ALCAM: variants seen among roughly 807,000 people sequenced by gnomAD.
ALCAM encodes the protein CD166 antigen.
In ALCAM, 30 loss-of-function variants were observed where a neutral mutation model predicts 70.9. That is an observed-to-expected ratio of 0.42 (90% confidence interval 0.32 to 0.57). The LOEUF (loss-of-function observed/expected upper bound fraction) is 0.57. Ranked by LOEUF, ALCAM falls within the 20% of genes least tolerant of loss-of-function variation. ALCAM has a pLI of 0.11. For missense variants in ALCAM, 591 were observed against 695.1 expected, an observed-to-expected ratio of 0.85 and a Z score of 1.68; for synonymous variants, 249 against 242.5, an observed-to-expected ratio of 1.03 and a Z score of -0.25.
At chr3:105,503,539 G>A (rs147883152) in intron 1 of ALCAM, among the ~76,000 whole-genome samples, 41 of 151,634 alleles carry the variant, frequency 2.7e-4, no homozygotes, top group Admixed American at 8.6e-4. Context: ...ACTTTAACAC[G>A]ATTACCTTCC....
At chr3:105,411,865 G>C (rs1455460249) in intron 1 of ALCAM, among the ~76,000 whole-genome samples, 1 of 151,906 alleles carries the variant, frequency 6.6e-6, no homozygotes, top group East Asian at 1.9e-4. Context: ...CCATAACCTA[G>C]AAAAGAAGTA....
intron 1 of ALCAM, among the ~76,000 whole-genome samples, chr3:105,382,384 G>A (rs886731255): frequency 8.6e-5 from 13 of 151,902 alleles, no homozygotes; most frequent in African/African-American, 9.7e-5. Context: ...CTTGTGAATA[G>A]TGCCACAATA....
chr3:105,490,177 T>C (rs1346425769), intron 1 of ALCAM, among the ~76,000 whole-genome samples: 1 of 152,258 alleles, frequency 6.6e-6, no homozygotes, highest in Admixed American at 6.5e-5. Context: ...TGCAAGTGTC[T>C]TCCTTATTGA....
At position 105,574,748 on chromosome 3, in the gene ALCAM, GC is replaced by G. The variant is rs1201427370; in HGVS notation, c.*299del. The stretch of plus-strand genomic sequence containing the variant: ...TGCACTGAGGATTTCTTTTTGGTTT[GC>G]CTTTTATGTAAATTTTTTACGTAGC... On this transcript the variant is annotated 3_prime_UTR_variant, in exon 16 of 16. Transcript: ENST00000306107. 6.6e-6 allele frequency: 1 copy of G among 152,450 alleles called. No homozygotes were observed. The highest frequency in any genetic ancestry group is 2.4e-5 in the African/African-American group (1 of 41,400). 9.4% of individuals were successfully genotyped at this position (152,450 alleles called of 1,614,324 possible).
At position 105,484,536 on chromosome 3, in the gene ALCAM, A is replaced by T. The variant is rs145500250; in HGVS notation, c.74-35531A>T. 3.9e-3 allele frequency among the ~76,000 whole-genome samples: 595 copies of T among 152,176 alleles called. 5 individuals carry two copies. The highest frequency in any genetic ancestry group is 0.014 in the African/African-American group (565 of 41,568). The stretch of plus-strand genomic sequence containing the variant: ...GGTCATGGGAGGAAATAGTCTATTG[A>T]TTGATTTCTACACACCTAATTGAAA... On this transcript the variant is annotated intron_variant, in intron 1 of 15. Transcript: ENST00000306107.
intron 2 of ALCAM, among the ~76,000 whole-genome samples, chr3:105,523,883 T>C (rs1320352994): frequency 1.3e-5 from 2 of 152,222 alleles, no homozygotes; most frequent in South Asian, 2.1e-4. Flanking sequence ...ATTCCAAAGA[T>C]AATTGCCCAA....
chr3:105,478,853 A>G (rs1028474899), intron 1 of ALCAM, among the ~76,000 whole-genome samples: 8 of 152,140 alleles, frequency 5.3e-5, no homozygotes, highest in Admixed American at 6.6e-5. Flanking sequence ...GGAGGCATGA[A>G]TGATGATTTA....
chr3:105,524,807 T>A (rs1418510132), intron 3 of ALCAM: 3 of 1,121,432 alleles, frequency 2.7e-6, no homozygotes, highest in Non-Finnish European at 2.2e-6. Context: ...ATCTTAATTT[T>A]TACTGACATG....
intron 1 of ALCAM, among the ~76,000 whole-genome samples, chr3:105,484,912 C>T (rs921448679): frequency 3.9e-5 from 6 of 151,930 alleles, no homozygotes; most frequent in Non-Finnish European, 4.4e-5. Flanking sequence ...TCACTGAGCC[C>T]ATAGACAAAA....
chr3:105,500,371 C>T (rs116409791), intron 1 of ALCAM, among the ~76,000 whole-genome samples: 4,765 of 151,738 alleles, frequency 0.031, 126 homozygotes, highest in Non-Finnish European at 0.042. Context: ...TGTATTTTTA[C>T]GATGCAAGCT....
chr3:105,430,822 A>T (rs1380480707), intron 1 of ALCAM, among the ~76,000 whole-genome samples: 1 of 152,054 alleles, frequency 6.6e-6, no homozygotes, highest in African/African-American at 2.4e-5. Flanking sequence ...AGACTTATCT[A>T]TTATCTTCCA....
intron 1 of ALCAM, among the ~76,000 whole-genome samples, chr3:105,438,831 C>T (rs945733809): frequency 1.3e-5 from 2 of 151,914 alleles, no homozygotes; most frequent in African/African-American, 4.8e-5. Context: ...TAGGATTGTG[C>T]ACTGCACTCT....
intron 1 of ALCAM, among the ~76,000 whole-genome samples, chr3:105,387,563 C>T (rs553656100): frequency 5.9e-5 from 9 of 151,656 alleles, no homozygotes; most frequent in Non-Finnish European, 1.2e-4. Flanking sequence ...AAATAGTCTG[C>T]GTCACTAACT....
chr3:105,424,001 C>CATTCATTCACCAAT (rs1936731961), intron 1 of ALCAM, among the ~76,000 whole-genome samples: 1 of 151,488 alleles, frequency 6.6e-6, no homozygotes, highest in Non-Finnish European at 1.5e-5. Context: ...CATTCACTAA[C>CATTCATTCACCAAT]ATTTTTGGTA....
At chr3:105,437,765 G>A (rs556599256) in intron 1 of ALCAM, among the ~76,000 whole-genome samples, 54 of 151,996 alleles carry the variant, frequency 3.6e-4, no homozygotes, top group Non-Finnish European at 5.9e-4. Context: ...TTACAATAGT[G>A]TAAAACTCCT....
At chr3:105,520,295 G>C (rs755860801) in intron 2 of ALCAM, 128 bp downstream of exon 2, 1 of 617,302 alleles carries the variant, frequency 1.6e-6, no homozygotes, top group African/African-American at 1.9e-5. Context: ...AATGTAGGAA[G>C]GTAAAATTGT....
intron 1 of ALCAM, among the ~76,000 whole-genome samples, chr3:105,375,914 C>T (rs150528731): frequency 5.9e-5 from 9 of 152,286 alleles, no homozygotes; most frequent in East Asian, 1.9e-4. Flanking sequence ...ACGCTTATCG[C>T]GGAAACTTTG....
At chr3:105,403,212 G>T (rs1319206181) in intron 1 of ALCAM, among the ~76,000 whole-genome samples, 2 of 152,134 alleles carry the variant, frequency 1.3e-5, no homozygotes, top group East Asian at 1.9e-4. Flanking sequence ...CTCCCACAGT[G>T]CCGGGATTAC....
At chr3:105,571,190 A>AGATTCT (rs1553685077) in intron 14 of ALCAM, among the ~76,000 whole-genome samples, 1 of 152,148 alleles carries the variant, frequency 6.6e-6, no homozygotes, top group Non-Finnish European at 1.5e-5. Context: ...CCATCCCCAC[A>AGATTCT]GTTTCTGTTT....
Sources: gnomAD v4.1 joint callset for allele counts (sites outside exome capture counted in the v4.1 genomes callset) on GRCh38, gnomAD v4.1.1 for gene constraint, MANE v1.5 for transcripts, NCBI Gene and HGNC (gene_info 2026-07-23, HGNC 2026-07-21) for gene names.